PICALM: variants seen among roughly 807,000 people sequenced by gnomAD.
PICALM encodes phosphatidylinositol-binding clathrin assembly protein.
PICALM carries 40 observed loss-of-function variants against 80.5 expected under a neutral mutation model. The ratio of observed to expected loss-of-function variants is 0.50; its 90% CI spans 0.39 to 0.65. The LOEUF (loss-of-function observed/expected upper bound fraction) is 0.65, where lower values mean the gene tolerates loss of function less well. PICALM is among the 30% of genes least tolerant of loss of function. The pLI, the probability that PICALM is intolerant of heterozygous loss-of-function variation, is 0.00. For synonymous variants in PICALM, 288 were observed against 260.3 expected (o/e 1.11, Z -1.02); for missense variants, 676 against 778.9 (o/e 0.87, Z 1.57).
chr11:86,012,439 T>C lies in PICALM; in HGVS notation c.547-47A>G, dbSNP rs961533715. On this transcript the variant is annotated intron_variant, in intron 5 of 19. Coordinates refer to ENST00000393346, the MANE Select transcript of PICALM (RefSeq NM_007166.4). ...AAATTAGCTAATCTTAGGTTTTAAA[T>C]GACATTGACAAAAAGATTTCCTTCA... 5.9e-6 allele frequency: 6 copies of C among 1,009,838 alleles called. No individual in the cohort carries two copies. In the African/African-American group the frequency reaches 9.5e-5, roughly 16 times the overall value. 62.6% of individuals were successfully genotyped at this position (1,009,838 alleles called of 1,614,324 possible).
Position 85,972,640 on chromosome 11 carries a change from G to GA in PICALM, c.1944+2067dup, listed in dbSNP as rs1327414100. 2.0e-5 allele frequency among the ~76,000 whole-genome samples: 3 copies of GA among 152,060 alleles called. No individual in the cohort carries two copies. In the East Asian group the frequency reaches 5.8e-4, roughly 29 times the overall value. On this transcript the variant is annotated intron_variant, in intron 19 of 19. Coordinates refer to ENST00000393346, the MANE Select transcript of PICALM (RefSeq NM_007166.4). ...GGTGAAGGGTTTAACTACATATCAG[G>GA]AAAAACACTTCTGTAGTCGAAGGTC... is the stretch of plus-strand genomic sequence containing the variant.
intron 17 of PICALM, among the ~76,000 whole-genome samples, chr11:85,980,415 G>A (rs562853623): frequency 1.3e-5 from 2 of 152,310 alleles, no homozygotes; most frequent in African/African-American, 4.8e-5. Flanking sequence ...ATACTAGAAT[G>A]AGGTTTTCTA....
chr11:86,005,840 A>C (rs75451363), intron 8 of PICALM, among the ~76,000 whole-genome samples: 1 of 152,014 alleles, frequency 6.6e-6, no homozygotes, highest in African/African-American at 2.4e-5. Context: ...CATCGTCCCT[A>C]AAGTGTAAAT....
chr11:86,040,629 A>T (rs1024652199), intron 1 of PICALM, among the ~76,000 whole-genome samples: 2 of 152,200 alleles, frequency 1.3e-5, no homozygotes, highest in African/African-American at 4.8e-5. Flanking sequence ...ATAAAACTTG[A>T]GGGGCTGTCA....
intron 4 of PICALM, among the ~76,000 whole-genome samples, chr11:86,015,787 G>A (rs946168659): frequency 3.9e-4 from 59 of 152,216 alleles, no homozygotes; most frequent in Admixed American, 3.9e-3. Context: ...GAGTAACAAG[G>A]CATTTCCAAA....
intron 9 of PICALM, among the ~76,000 whole-genome samples, chr11:86,001,788 G>A (rs1162875651): frequency 6.6e-6 from 1 of 152,074 alleles, no homozygotes; most frequent in Non-Finnish European, 1.5e-5. Context: ...TCACTGGCAA[G>A]GCACCTCCTT....
At chr11:86,061,907 TAATAG>T (rs2096372148) in intron 1 of PICALM, among the ~76,000 whole-genome samples, 1 of 150,534 alleles carries the variant, frequency 6.6e-6, no homozygotes, top group Non-Finnish European at 1.5e-5. Context: ...TATATCCAGA[TAATAG>T]AATAGTCAAG....
At chr11:86,038,466 C>T (rs1434873631) in intron 1 of PICALM, among the ~76,000 whole-genome samples, 2 of 152,162 alleles carry the variant, frequency 1.3e-5, no homozygotes, top group African/African-American at 4.8e-5. Flanking sequence ...CTTAAGGAAT[C>T]TCCAGACCCC....
intron 8 of PICALM, chr11:86,003,854 A>G (rs1214084996): frequency 6.5e-6 from 1 of 153,948 alleles, no homozygotes; most frequent in African/African-American, 2.4e-5. Context: ...GATAAATGAC[A>G]CTGAACACTG....
intron 13 of PICALM, 59 bp from the exon 14 acceptor site, chr11:85,984,032 T>C (rs2094514290): frequency 2.7e-6 from 2 of 746,014 alleles, no homozygotes; most frequent in African/African-American, 1.8e-5. Context: ...TTTACGACTA[T>C]TTAATAATGA....
chr11:86,058,223 T>C (rs879116832), intron 1 of PICALM, among the ~76,000 whole-genome samples: 2 of 152,118 alleles, frequency 1.3e-5, no homozygotes, highest in Admixed American at 6.5e-5. Context: ...TACCAGCACA[T>C]AAAATTTTAA....
chr11:85,984,215 A>C (rs1279558407), intron 13 of PICALM, among the ~76,000 whole-genome samples: 1 of 152,200 alleles, frequency 6.6e-6, no homozygotes, highest in Non-Finnish European at 1.5e-5. Flanking sequence ...AATATGCTTC[A>C]TTACAGAAAT....
intron 4 of PICALM, among the ~76,000 whole-genome samples, chr11:86,016,860 T>C (rs2095488191): frequency 6.6e-6 from 1 of 152,236 alleles, no homozygotes; most frequent in Non-Finnish European, 1.5e-5. Context: ...TATTTCATTC[T>C]GGAACAGAAA....
rs1332041555 is a variant in PICALM at position 85,983,894 on chromosome 11, T to C, written c.1488A>G (p.Lys496=). 5.0e-6 allele frequency: 8 copies of C among 1,585,908 alleles called. No individual in the cohort carries two copies. The highest frequency in any genetic ancestry group is 6.9e-6 in the Non-Finnish European group (8 of 1,156,616). The change falls in exon 14 of 20, where the codon AAA becomes AAG. Residue 496 remains lysine (K), a synonymous_variant. Transcript: ENST00000393346. The part of the protein sequence containing the change: ...NVDFESVFGN[K]STNVIVDSGG... ...CAGAATCTACAATAACATTTGTAGATTTATTTCCAAACACAGATTCAAAGT... is the reference window on the plus strand; with the variant it reads ...CAGAATCTACAATAACATTTGTAGACTTATTTCCAAACACAGATTCAAAGT...
At chr11:86,065,126 T>C (rs1292632239) in intron 1 of PICALM, among the ~76,000 whole-genome samples, 1 of 151,666 alleles carries the variant, frequency 6.6e-6, no homozygotes, top group Non-Finnish European at 1.5e-5. Flanking sequence ...CAGATAAAAA[T>C]GATTTTTATA....
chr11:85,981,684 AAC>A lies in PICALM; in HGVS notation c.1679+59_1679+60del. ...GGAAAGCCAAATCAACCCTCCAAAT[AAC>A]ACATGGAGAAAACACTAAATAACAC... On this transcript the variant is annotated intron_variant, in intron 16 of 19. Transcript: ENST00000393346. The A allele has an allele frequency of 3.2e-6, 4 of 1,255,886 alleles. No individual in the cohort carries two copies. In the Admixed American group the frequency reaches 7.0e-5, roughly 22 times the overall value. The allele number at this position is 1,255,886 out of a possible 1,614,324, so 77.8% of individuals were successfully genotyped here. A position where few individuals can be genotyped will look rare whatever the true frequency, so the allele number is the denominator to read the frequency against.
chr11:86,013,664 A>C (rs1450973397), intron 5 of PICALM, among the ~76,000 whole-genome samples: 2 of 152,258 alleles, frequency 1.3e-5, no homozygotes, highest in Non-Finnish European at 2.9e-5. Context: ...AATTTTAAAC[A>C]AATACAATAT....
intron 3 of PICALM, chr11:86,023,614 A>C (rs1415505692): frequency 2.9e-5 from 28 of 976,744 alleles, no homozygotes; most frequent in Non-Finnish European, 3.4e-5. Flanking sequence ...GAAAATGATA[A>C]ATCAGTCGCT....
intron 19 of PICALM, among the ~76,000 whole-genome samples, chr11:85,966,275 T>C (rs79237445): frequency 0.018 from 2,713 of 152,186 alleles, 48 homozygotes; most frequent in Middle Eastern, 0.031. Context: ...GGTGTGATCA[T>C]TGCTAACTGT....
Sources: gnomAD v4.1 joint callset for allele counts (sites outside exome capture counted in the v4.1 genomes callset) on GRCh38, gnomAD v4.1.1 for gene constraint, MANE v1.5 for transcripts, NCBI Gene and HGNC (gene_info 2026-07-23, HGNC 2026-07-21) for gene names.